IFNGR2: variants seen among roughly 807,000 people sequenced by gnomAD.
IFNGR2 encodes the protein interferon gamma receptor 2.
IFNGR2 carries 15 observed loss-of-function variants against 41.1 expected under a neutral mutation model. That is an observed-to-expected ratio of 0.37 (90% CI 0.24 to 0.56). The LOEUF (loss-of-function observed/expected upper bound fraction) is 0.56, where lower values mean the gene tolerates loss of function less well. Ranked by LOEUF, IFNGR2 falls within the 20% of genes least tolerant of loss-of-function variation. The pLI, the probability that IFNGR2 is intolerant of heterozygous loss-of-function variation, is 0.81. For missense variants in IFNGR2, 362 were observed against 415.7 expected, an observed-to-expected ratio of 0.87 and a Z score of 1.12; for synonymous variants, 161 against 171.6, an observed-to-expected ratio of 0.94 and a Z score of 0.48.
rs2083840545 is a variant in IFNGR2, at chr21:33,426,823, GTAT to G, written c.413-57_413-55del. 15 of 1,216,554 alleles carry G rather than the reference GTAT, an allele frequency of 1.2e-5. No homozygotes were observed. The South Asian group carries it at 1.8e-4, about 15-fold the overall frequency. 75.4% of individuals were successfully genotyped at this position (1,216,554 alleles called of 1,614,324 possible). A position where few individuals can be genotyped will look rare whatever the true frequency, so the allele number is the denominator to read the frequency against. On this transcript the variant is annotated intron_variant, in intron 3 of 6. Coordinates refer to ENST00000290219, the MANE Select transcript of IFNGR2 (RefSeq NM_005534.4). ...TATATATAGCATTATATAATACATT[GTAT>G]TATATCTATAATACATATGTGTATG...
At chr21:33,426,851 G>T in intron 3 of IFNGR2, 33 bp from the exon 4 acceptor site, 1 of 1,574,136 alleles carries the variant, frequency 6.4e-7, no homozygotes, top group Admixed American at 1.7e-5. Context: ...ATATGTGTAT[G>T]TGTGTGGTTT....
intron 4 of IFNGR2, among the ~76,000 whole-genome samples, chr21:33,427,461 A>C (rs1352768537): frequency 1.3e-5 from 2 of 152,158 alleles, no homozygotes; most frequent in Non-Finnish European, 2.9e-5. Context: ...TCGGGGGGAA[A>C]CAGAGGGAGA....
chr21:33,432,831 G>A lies in IFNGR2; in HGVS notation c.839G>A (p.Trp280Ter). 1 of 1,613,452 alleles carries A rather than the reference G, an allele frequency of 6.2e-7. No individual in the cohort carries two copies. Among genetic ancestry groups the A allele is most frequent in the Non-Finnish European group, 8.5e-7 (1 of 1,179,784 alleles). ...AAATATAGAGGCCTGATTAAATACT[G>A]GTTTCACACTCCACCAAGCATCCCA... ...VLKYRGLIKY[W>*]FHTPPSIPLQ... is the part of the protein sequence containing the mutation. Residue 280 changes from tryptophan (W) to a stop codon, truncating the protein, a stop_gained, in exon 6 of 7, where the codon TGG becomes TAG. Transcript: ENST00000290219. LOFTEE classifies it high-confidence loss of function.
upstream of IFNGR2, chr21:33,403,287 C>G (rs1303505992): frequency 3.7e-5 from 6 of 161,270 alleles, no homozygotes; most frequent in Admixed American, 3.8e-4. Context: ...GCCGCAGAGG[C>G]CCCCCAGGGC....
At position 33,432,725 on chromosome 21, in the gene IFNGR2, C is replaced by T. The variant is rs947247157; in HGVS notation, c.733C>T (p.Leu245Phe). ...TGTCCTCTTTTTAGCCTCCACTGAG[C>T]TTCAGCAAGTCATCCTGATCTCCGT... ...YETMADASTE[L>F]QQVILISVGT... is the part of the protein sequence containing the mutation. Residue 245 changes from leucine (L) to phenylalanine (F), a missense_variant, in exon 6 of 7, where the codon CTT becomes TTT. Coordinates refer to ENST00000290219, the MANE Select transcript of IFNGR2 (RefSeq NM_005534.4). 6.2e-7 allele frequency: 1 copy of T among 1,614,122 alleles called. No individual in the cohort carries two copies. Among genetic ancestry groups the T allele is most frequent in the African/African-American group, 1.3e-5 (1 of 75,024 alleles).
intron 1 of IFNGR2, among the ~76,000 whole-genome samples, chr21:33,408,276 A>T (rs1055833227): frequency 6.6e-6 from 1 of 151,974 alleles, no homozygotes; most frequent in African/African-American, 2.4e-5. Context: ...GACTCACTGC[A>T]ACCTCCACCT....
At chr21:33,410,358 G>A (rs1161372791) in intron 1 of IFNGR2, among the ~76,000 whole-genome samples, 1 of 151,848 alleles carries the variant, frequency 6.6e-6, no homozygotes, top group Non-Finnish European at 1.5e-5. Context: ...GTAAAGATGG[G>A]GTTTCACCAT....
At chr21:33,428,907 G>A (rs1026029966) in intron 4 of IFNGR2, among the ~76,000 whole-genome samples, 2 of 152,132 alleles carry the variant, frequency 1.3e-5, no homozygotes, top group Admixed American at 6.6e-5. Flanking sequence ...CCCAGAGGGC[G>A]AGTTGCCACT....
intron 4 of IFNGR2, among the ~76,000 whole-genome samples, chr21:33,430,179 G>A (rs2083873602): frequency 6.6e-6 from 1 of 152,168 alleles, no homozygotes; most frequent in Non-Finnish European, 1.5e-5. Context: ...ATTCCCAGAT[G>A]TCAGCTAAGG....
chr21:33,403,674 CTGGGGGACTCCCGGATCGTGGGG>C, intron 1 of IFNGR2, 58 bp downstream of exon 1: 1 of 1,043,448 alleles, frequency 9.6e-7, no homozygotes, highest in Non-Finnish European at 1.2e-6. Flanking sequence ...CATGTGGGGG[CTGGGGGACTCCCGGATCGTGGGG>C]TGGGGGGAAT....
intron 1 of IFNGR2, among the ~76,000 whole-genome samples, chr21:33,413,305 G>A (rs1371442261): frequency 6.6e-6 from 1 of 152,208 alleles, no homozygotes; most frequent in Non-Finnish European, 1.5e-5. Context: ...CATGAGGCCT[G>A]CTGTGTGTCA....
intron 1 of IFNGR2, chr21:33,410,990 G>C (rs551115661): frequency 1.1e-6 from 1 of 898,684 alleles, no homozygotes; most frequent in South Asian, 1.4e-5. Flanking sequence ...TTCCCATCGG[G>C]GGCCATGTGG....
intron 1 of IFNGR2, chr21:33,411,614 T>C (rs985160461): frequency 6.9e-6 from 3 of 436,260 alleles, no homozygotes; most frequent in Middle Eastern, 4.8e-4. Context: ...TTGTCTTGCA[T>C]TGTTGGGCCA....
At chr21:33,429,370 ACT>A (rs1167653403) in intron 4 of IFNGR2, among the ~76,000 whole-genome samples, 1 of 151,326 alleles carries the variant, frequency 6.6e-6, no homozygotes, top group Non-Finnish European at 1.5e-5. Flanking sequence ...ACAGAATTTC[ACT>A]CTGTCTCCCA....
chr21:33,427,148 C>T (rs949048817), intron 4 of IFNGR2, 116 bp downstream of exon 4: 13 of 906,124 alleles, frequency 1.4e-5, no homozygotes, highest in Non-Finnish European at 2.4e-5. Context: ...CCCCGTGTCC[C>T]CATAGAGGCT....
At chr21:33,406,959 A>G (rs1202497185) in intron 1 of IFNGR2, among the ~76,000 whole-genome samples, 1 of 152,026 alleles carries the variant, frequency 6.6e-6, no homozygotes, top group Non-Finnish European at 1.5e-5. Flanking sequence ...CCGGAAACAG[A>G]TTTTTTAAAG....
At chr21:33,422,899 AAAAGC>A (rs2083805021) in intron 3 of IFNGR2, among the ~76,000 whole-genome samples, 2 of 150,490 alleles carry the variant, frequency 1.3e-5, no homozygotes, top group Admixed American at 1.3e-4. Context: ...AAAAAAAAAA[AAAAGC>A]AAAATAATCC....
chr21:33,403,588 C>T lies in IFNGR2; in HGVS notation c.45C>T (p.Val15=). The T allele has an allele frequency of 7.3e-7, 1 of 1,373,158 alleles. No individual in the cohort carries two copies. Among genetic ancestry groups the T allele is most frequent in the Non-Finnish European group, 9.4e-7 (1 of 1,060,310 alleles). The allele number at this position is 1,373,158 out of a possible 1,614,324, so 85.1% of individuals were successfully genotyped here. ...GGTCGCTGCTGCTGCTGCTCGGAGT[C>T]TTCGCCGCCGCCGCCGCGGCCCCGC... The part of the protein sequence containing the change: ...LLWSLLLLLG[V]FAAAAAAPPD... Residue 15 remains valine (V), a synonymous_variant, in exon 1 of 7, where the codon GTC becomes GTT. Coordinates refer to ENST00000290219, the MANE Select transcript of IFNGR2 (RefSeq NM_005534.4).
rs1475842463 is a variant in IFNGR2 at position 33,415,063 on chromosome 21, G to A, written c.206+43G>A. ...TTGGATCCTTGCTGGGAGCTGTGGG[G>A]GCATCGTGCGGAACCCTGGGGCCAC... On this transcript the variant is annotated intron_variant, in intron 2 of 6. Coordinates refer to ENST00000290219, the MANE Select transcript of IFNGR2 (RefSeq NM_005534.4). The A allele has an allele frequency of 4.3e-6, 7 of 1,611,724 alleles. No individual in the cohort carries two copies. The Admixed American group carries it at 8.3e-5, about 19-fold the overall frequency.
Sources: allele counts gnomAD v4.1 joint callset (sites outside exome capture counted in the v4.1 genomes callset), GRCh38; gene constraint gnomAD v4.1.1; transcripts MANE v1.5; gene names NCBI Gene and HGNC (gene_info 2026-07-23, HGNC 2026-07-21).